The following OPA1 variants were observed in gnomAD, a reference collection of about 807,000 sequenced individuals.
OPA1 encodes dynamin-like GTPase OPA1, mitochondrial.
In OPA1, 59 loss-of-function variants were observed where a neutral mutation model predicts 152.9. The ratio of observed to expected loss-of-function variants is 0.39; its 90% CI spans 0.31 to 0.48. OPA1 has a LOEUF of 0.48. OPA1 is among the 20% of genes least tolerant of loss of function. The pLI, the probability that OPA1 is intolerant of heterozygous loss-of-function variation, is 0.96. For synonymous variants in OPA1, 400 were observed against 389.9 expected (o/e 1.03, Z -0.31); for missense variants, 1,008 against 1,216.8 (o/e 0.83, Z 2.55).
rs1434249691 is a variant in OPA1 at position 193,647,044 on chromosome 3, CT to C, written c.1755-19del. The C allele has an allele frequency of 2.0e-6, 3 of 1,503,594 alleles. No homozygotes were observed. The highest frequency in any genetic ancestry group is 1.1e-5 in the South Asian group (1 of 87,892). 93.1% of individuals were successfully genotyped at this position (1,503,594 alleles called of 1,614,324 possible). A position where few individuals can be genotyped will look rare whatever the true frequency, so the allele number is the denominator to read the frequency against. On this transcript the variant is annotated intron_variant, in intron 18 of 30. Transcript: ENST00000361510. ...TTTGTCATTTTAATATACTTTAGCT[CT>C]TGTTATTTTTTTTTAATAGGACAAG...
At chr3:193,685,337 T>C (rs1720797059) in intron 29 of OPA1, among the ~76,000 whole-genome samples, 1 of 152,066 alleles carries the variant, frequency 6.6e-6, no homozygotes, top group South Asian at 2.1e-4. Flanking sequence ...AACAAATTGC[T>C]GTGGAGTTTT....
intron 29 of OPA1, among the ~76,000 whole-genome samples, chr3:193,683,462 G>A (rs1297482243): frequency 1.3e-5 from 2 of 152,034 alleles, no homozygotes; most frequent in Admixed American, 6.6e-5. Flanking sequence ...AGAAAAATTT[G>A]AGTAAATTTG....
intron 29 of OPA1, among the ~76,000 whole-genome samples, chr3:193,671,763 TA>T (rs1200666010): frequency 5.3e-5 from 8 of 152,154 alleles, no homozygotes; most frequent in Admixed American, 2.0e-4. Context: ...CATAAAAGGT[TA>T]AAAAAAGGTT....
rs369732659 is a variant in OPA1, at chr3:193,617,150, A to G, written c.449-28A>G. 1.5e-4 allele frequency: 201 copies of G among 1,332,470 alleles called. No individual in the cohort carries two copies. The highest frequency in any genetic ancestry group is 2.0e-4 in the Admixed American group (12 of 59,354). 82.5% of individuals were successfully genotyped at this position (1,332,470 alleles called of 1,614,324 possible). ...GTATCTGACATATTTTCTTAGTTTC[A>G]TACTCTATATGTTTTGATCTTTTCC... On this transcript the variant is annotated intron_variant, in intron 3 of 30. Transcript: ENST00000361510.
rs1461174372 is a variant in OPA1, at chr3:193,645,780, T to C, written c.1734T>C (p.Phe578=). 1 of 1,613,072 alleles carries C rather than the reference T, an allele frequency of 6.2e-7. No homozygotes were observed. The highest frequency in any genetic ancestry group is 8.5e-7 in the Non-Finnish European group (1 of 1,179,394). Residue 578 remains phenylalanine (F), a synonymous_variant, in exon 18 of 31, where the codon TTT becomes TTC. Coordinates refer to ENST00000361510, the MANE Select transcript of OPA1 (RefSeq NM_130837.3). The stretch of plus-strand genomic sequence containing the variant: ...TAAGAGAATATGAAGAAGAGTTTTT[T>C]CAGAATTCAAAGCTCCTAAAGTAGG... ...EAIREYEEEF[F]QNSKLLKTSM...
At chr3:193,631,696 C>G in intron 8 of OPA1, 31 bp downstream of exon 8, 1 of 1,576,266 alleles carries the variant, frequency 6.3e-7, no homozygotes, top group Non-Finnish European at 8.7e-7. Context: ...AAACTAGGGA[C>G]TTTTAAAAAT....
intron 27 of OPA1, among the ~76,000 whole-genome samples, chr3:193,665,589 T>G (rs1039120681): frequency 1.2e-4 from 19 of 152,206 alleles, no homozygotes; most frequent in Non-Finnish European, 2.6e-4. Context: ...TCTGATATAT[T>G]TTCAGCATTT....
At chr3:193,640,973 G>A (rs1449842924) in intron 11 of OPA1, among the ~76,000 whole-genome samples, 3 of 152,094 alleles carry the variant, frequency 2.0e-5, no homozygotes, top group Admixed American at 2.0e-4. Flanking sequence ...TGTGTTACTA[G>A]TTCTGTGTGT....
chr3:193,647,251 C>A, intron 19 of OPA1, 71 bp downstream of exon 19: 5 of 904,350 alleles, frequency 5.5e-6, no homozygotes, highest in Non-Finnish European at 8.9e-6. Context: ...GGCATCCATA[C>A]GATTCTGTAC....
intron 10 of OPA1, among the ~76,000 whole-genome samples, chr3:193,637,667 AT>A (rs1358821626): frequency 6.6e-6 from 1 of 152,196 alleles, no homozygotes; most frequent in African/African-American, 2.4e-5. Flanking sequence ...TATGGAAAAG[AT>A]TTATGGAAAG....
In OPA1 at chr3:193,665,008, A is replaced by G. The variant is rs1716189706; in HGVS notation, c.2778+12A>G. 9 of 1,360,700 alleles carry G rather than the reference A, an allele frequency of 6.6e-6. No homozygotes were observed. The East Asian group carries it at 2.1e-4, about 31-fold the overall frequency. The allele number at this position is 1,360,700 out of a possible 1,614,324, so 84.3% of individuals were successfully genotyped here. On this transcript the variant is annotated intron_variant, in intron 27 of 30. Transcript: ENST00000361510. The stretch of plus-strand genomic sequence containing the variant: ...TTGTAGATTCTGAGGTAAGGTTTCC[A>G]AAAACAAAGAGAAGTATTTTTAAGC...
intron 1 of OPA1, among the ~76,000 whole-genome samples, chr3:193,599,246 A>G (rs1365132140): frequency 1.3e-5 from 2 of 152,124 alleles, no homozygotes; most frequent in African/African-American, 4.8e-5. Context: ...CCCATTGCCT[A>G]CGAAAAAAAG....
At chr3:193,649,977 G>A (rs1233538974) in intron 21 of OPA1, among the ~76,000 whole-genome samples, 1 of 152,138 alleles carries the variant, frequency 6.6e-6, no homozygotes, top group Non-Finnish European at 1.5e-5. Flanking sequence ...TTGCTAGATT[G>A]TATGAGGGCA....
intron 29 of OPA1, among the ~76,000 whole-genome samples, chr3:193,689,531 T>G (rs1331190048): frequency 6.6e-6 from 1 of 152,230 alleles, no homozygotes. Context: ...CCTGTTAATT[T>G]TAGAAAAATC....
At position 193,593,343 on chromosome 3, in the gene OPA1, C is replaced by T. The variant is rs961695705; in HGVS notation, c.-35C>T. 7.8e-6 allele frequency: 12 copies of T among 1,538,848 alleles called. No homozygotes were observed. Among genetic ancestry groups the T allele is most frequent in the Non-Finnish European group, 8.8e-6 (10 of 1,141,234 alleles). ...GCTCACACGGGGGCTCCCGCGTGGC[C>T]GTCTCGGCGCCTGCGTGACCTCCCC... On this transcript the variant is annotated 5_prime_UTR_variant, in exon 1 of 31. Coordinates refer to ENST00000361510, the MANE Select transcript of OPA1 (RefSeq NM_130837.3).
At chr3:193,676,192 G>A (rs1718947319) in intron 29 of OPA1, among the ~76,000 whole-genome samples, 7 of 152,160 alleles carry the variant, frequency 4.6e-5, no homozygotes. Context: ...TTTTTGGAAT[G>A]ATTATATGAT....
Position 193,642,575 on chromosome 3 carries a change from C to G in OPA1, c.1150-190C>G, listed in dbSNP as rs528285613. Among the ~76,000 whole-genome samples the G allele has an allele frequency of 2.6e-5, 4 of 152,282 alleles. No individual in the cohort carries two copies. In the East Asian group the frequency reaches 7.7e-4, roughly 29 times the overall value. On this transcript the variant is annotated intron_variant, in intron 11 of 30. Transcript: ENST00000361510. ...ACAACATATATGACATATATACAAA[C>G]AATACAAATACAAAATTATTGTCTT...
At chr3:193,610,669 T>TGG (rs1728067275) in intron 1 of OPA1, among the ~76,000 whole-genome samples, 1 of 152,246 alleles carries the variant, frequency 6.6e-6, no homozygotes, top group South Asian at 2.1e-4. Flanking sequence ...CTCCTTGAGC[T>TGG]GCAGTGGGCT....
chr3:193,667,258 C>T lies in OPA1; in HGVS notation c.2961C>T (p.Arg987=), dbSNP rs35540805. The T allele has an allele frequency of 2.5e-3, 4,030 of 1,586,394 alleles. 42 individuals are homozygous for T. The highest frequency in any genetic ancestry group is 0.022 in the East Asian group (975 of 44,726). ...EKKIKLLTGK[R]VQLAEDLKKV... is the part of the protein sequence containing the mutation. ...AGATTAAATTGCTTACTGGTAAACG[C>T]GTTCAACTGGCGGAAGACCTCAGTG... Residue 987 remains arginine (R), a synonymous_variant, in exon 29 of 31, where the codon CGC becomes CGT. Coordinates refer to ENST00000361510, the MANE Select transcript of OPA1 (RefSeq NM_130837.3).
Sources: gnomAD v4.1 joint callset for allele counts (sites outside exome capture counted in the v4.1 genomes callset) on GRCh38, gnomAD v4.1.1 for gene constraint, MANE v1.5 for transcripts, NCBI Gene and HGNC (gene_info 2026-07-23, HGNC 2026-07-21) for gene names.